Variants in SYNE2 observed in about 807,000 individuals in gnomAD.
The protein encoded by SYNE2 is spectrin repeat containing nuclear envelope protein 2, also known as nesprin-2.
A neutral mutation model predicts 856.3 loss-of-function variants in SYNE2; 431 were observed. The observed-to-expected ratio is 0.50, with a 90% CI of 0.47 to 0.55. The LOEUF is 0.55. Ranked by LOEUF, SYNE2 falls within the 20% of genes least tolerant of loss-of-function variation. The probability of loss-of-function intolerance (pLI) is 0.00; values close to 1 mark genes in which losing one functional copy is unlikely to be tolerated. For missense variants in SYNE2, 8,129 were observed against 8,023.2 expected (o/e 1.01, Z -0.50); for synonymous variants, 2,923 against 2,872.3 (o/e 1.02, Z -0.56).
intron 2 of SYNE2, among the ~76,000 whole-genome samples, chr14:63,928,704 C>T (rs755256647): frequency 3.9e-5 from 6 of 152,060 alleles, no homozygotes; most frequent in Non-Finnish European, 8.8e-5. Flanking sequence ...CCAAGAGAAA[C>T]AATAGAAGAG....
At chr14:63,927,201 G>A (rs552960289) in intron 2 of SYNE2, among the ~76,000 whole-genome samples, 18 of 152,320 alleles carry the variant, frequency 1.2e-4, no homozygotes, top group African/African-American at 3.4e-4. Context: ...TTGGAATGGC[G>A]CAGGCAGACT....
intron 93 of SYNE2, among the ~76,000 whole-genome samples, chr14:64,169,820 A>T (rs1332609246): frequency 1.3e-5 from 2 of 152,218 alleles, no homozygotes; most frequent in African/African-American, 4.8e-5. Context: ...AGCTGCAATA[A>T]AGCATGCTCT....
chr14:63,947,139 C>T lies in SYNE2; in HGVS notation c.409-2686C>T, dbSNP rs897515497. ...TGCTGGGATTGCAGGTGTGAGCCAC[C>T]ATGCCTGGCCTGTTATATTCTTTAA... On this transcript the variant is annotated intron_variant, in intron 6 of 115. Transcript: ENST00000555002. Among the ~76,000 whole-genome samples the T allele has an allele frequency of 8.5e-5, 13 of 152,158 alleles. No individual in the cohort carries two copies. In the South Asian group the frequency reaches 2.3e-3, roughly 27 times the overall value.
intron 66 of SYNE2, among the ~76,000 whole-genome samples, chr14:64,118,584 G>A (rs1285484974): frequency 6.6e-6 from 1 of 152,090 alleles, no homozygotes; most frequent in East Asian, 1.9e-4. Context: ...GAAGGTAGGC[G>A]AGGCATGGTG....
chr14:64,056,757 G>A (rs539255761), intron 49 of SYNE2, among the ~76,000 whole-genome samples: 3 of 151,320 alleles, frequency 2.0e-5, no homozygotes, highest in Admixed American at 2.0e-4. Context: ...TGCAACCTCC[G>A]CCTCCCGAGT....
chr14:63,889,181 A>C (rs1343288249), intron 1 of SYNE2, among the ~76,000 whole-genome samples: 1 of 151,614 alleles, frequency 6.6e-6, no homozygotes, highest in Non-Finnish European at 1.5e-5. Context: ...TGGAACATTA[A>C]AAATTACTTT....
intron 1 of SYNE2, among the ~76,000 whole-genome samples, chr14:63,794,959 C>T (rs753935213): frequency 6.6e-6 from 1 of 152,174 alleles, no homozygotes; most frequent in African/African-American, 2.4e-5. Flanking sequence ...GTATGTGAAC[C>T]GTTTTTATTT....
In SYNE2 at chr14:64,209,520, GC is replaced by G; in HGVS notation, c.18485del (p.Pro6162GlnfsTer15). 1 of 1,614,232 alleles carries G rather than the reference GC, an allele frequency of 6.2e-7. No individual in the cohort carries two copies. Among genetic ancestry groups the G allele is most frequent in the South Asian group, 1.1e-5 (1 of 91,078 alleles). On this transcript the variant is annotated frameshift_variant, in exon 102 of 116. Coordinates refer to ENST00000555002, the MANE Select transcript of SYNE2 (RefSeq NM_182914.3). LOFTEE classifies it high-confidence loss of function. ...AAGTCAGCTGAGAGGACGGCAGCCTGCCCAAATTCCTCAGAGGTGTTGTACA... is the reference window on the plus strand; with the variant it reads ...AAGTCAGCTGAGAGGACGGCAGCCTGCCAAATTCCTCAGAGGTGTTGTACA... ...WLKSAERTAA[C>X]PNSSEVLYTS...
intron 52 of SYNE2, among the ~76,000 whole-genome samples, chr14:64,071,586 A>AT (rs1316075884): frequency 6.6e-6 from 1 of 152,150 alleles, no homozygotes; most frequent in Non-Finnish European, 1.5e-5. Context: ...ACTGCCAATC[A>AT]TTTTTTCTCC....
In SYNE2 at chr14:64,216,260, C is replaced by T. The variant is rs150955173; in HGVS notation, c.19415C>T (p.Ser6472Leu). The change falls in exon 108 of 116, where the codon TCG becomes TTG. Residue 6472 changes from serine to leucine, a missense_variant. Ser to Leu is a moderately radical substitution (Grantham distance 145, BLOSUM62 -2). Around this residue, in one of 3 missense-constraint regions of SYNE2, gnomAD observed 5,410 missense variants for 5,284.8 expected, o/e 1.02. Transcript: ENST00000555002. ...TCTTTCGTTTCAGGTAAATCCATTT[C>T]GGATGGCCACTCGTGGCATGTTCCC... is the stretch of plus-strand genomic sequence containing the variant. ...TLKASSGKSI[S>L]DGHSWHVPDS... The T allele has an allele frequency of 2.9e-3, 4,759 of 1,614,206 alleles. 14 individuals are homozygous for T. Among genetic ancestry groups the T allele is most frequent in the Non-Finnish European group, 3.4e-3 (3,963 of 1,180,046 alleles).
intron 94 of SYNE2, among the ~76,000 whole-genome samples, chr14:64,173,539 A>T (rs747199272): frequency 1.3e-5 from 2 of 152,222 alleles, no homozygotes; most frequent in African/African-American, 2.4e-5. Context: ...CCATTTTGGA[A>T]AAATGCCCAC....
At chr14:63,910,944 T>C (rs1238301859) in intron 2 of SYNE2, among the ~76,000 whole-genome samples, 1 of 152,166 alleles carries the variant, frequency 6.6e-6, no homozygotes, top group Non-Finnish European at 1.5e-5. Flanking sequence ...GTAAACCAGA[T>C]GTCTGGTTTT....
chr14:64,170,120 C>A, intron 93 of SYNE2, 108 bp from the exon 94 acceptor site: 1 of 1,070,172 alleles, frequency 9.3e-7, no homozygotes, highest in Non-Finnish European at 1.4e-6. Context: ...GGATTTTTTT[C>A]ATGTAAATTG....
In SYNE2 at chr14:64,168,956, C is replaced by T. The variant is rs201850995; in HGVS notation, c.16985C>T (p.Thr5662Ile). The T allele has an allele frequency of 4.1e-5, 66 of 1,613,696 alleles. No homozygotes were observed. The East Asian group carries it at 1.4e-3, about 35-fold the overall frequency. The change falls in exon 93 of 116, where the codon ACA becomes ATA. Residue 5662 changes from threonine to isoleucine, a missense_variant. Thr to Ile is a moderately conservative substitution (Grantham distance 89). Coordinates refer to ENST00000555002, the MANE Select transcript of SYNE2 (RefSeq NM_182914.3). ...VTQSLQLLDT[T>I]EIENRPEFIT... ...CAGTCCTTACAACTCCTGGACACAA[C>T]AGAAATAGAGAACAGGTGAGCTGTC...
At chr14:64,022,683 ATCTC>A in intron 37 of SYNE2, 64 bp from the exon 38 acceptor site, 1 of 864,010 alleles carries the variant, frequency 1.2e-6, no homozygotes, top group Non-Finnish European at 1.9e-6. Context: ...AAGTTTCAAA[ATCTC>A]TCACTTTAAC....
In SYNE2 at chr14:64,175,087, C is replaced by T. The variant is rs778286170; in HGVS notation, c.17379C>T (p.Asp5793=). 5 of 1,614,172 alleles carry T rather than the reference C, an allele frequency of 3.1e-6. No individual in the cohort carries two copies. The South Asian group carries it at 5.5e-5, about 18-fold the overall frequency. The change falls in exon 95 of 116, where the codon GAC becomes GAT. Residue 5793 remains aspartate, a synonymous_variant. Coordinates refer to ENST00000555002, the MANE Select transcript of SYNE2 (RefSeq NM_182914.3). ...GTCAACTTCAGGACAGCTGGAAAGA[C>T]ATGGAGCCCCAGCTGGCAGAGATGA... ...RISQLQDSWK[D]MEPQLAEMIK... is the part of the protein sequence containing the mutation.
rs1342291313 is a variant in SYNE2, at chr14:63,961,527, G to T, written c.790G>T (p.Val264Leu). 2 of 1,612,648 alleles carry T rather than the reference G, an allele frequency of 1.2e-6. No homozygotes were observed. The highest frequency in any genetic ancestry group is 3.3e-5 in the Admixed American group (2 of 60,004). ...TGATAGTGTGGTGTATCTTGCAGATGTGGATGTTGTTGATCCTGATGAAAA... is the reference window on the plus strand; with the variant it reads ...TGATAGTGTGGTGTATCTTGCAGATTTGGATGTTGTTGATCCTGATGAAAA... ...KIPRLLEPEDVDVVDPDEKSI... is the reference protein window; with the variant it reads ...KIPRLLEPEDLDVVDPDEKSI... Residue 264 changes from valine to leucine, a missense_variant and splice_region_variant, in exon 9 of 116, where the codon GTG (valine) becomes TTG (leucine). Transcript: ENST00000555002.
At chr14:63,867,058 C>G (rs1895554260) in intron 1 of SYNE2, among the ~76,000 whole-genome samples, 2 of 152,224 alleles carry the variant, frequency 1.3e-5, no homozygotes, top group African/African-American at 4.8e-5. Flanking sequence ...GCCTATAACA[C>G]AGAAACCATC....
chr14:64,047,975 C>A (rs1189911794), intron 45 of SYNE2, 25 bp from the exon 46 acceptor site: 1 of 1,610,474 alleles, frequency 6.2e-7, no homozygotes, highest in Admixed American at 1.7e-5. Context: ...GACTATTCAG[C>A]AATTAATCTT....
Sources: allele counts gnomAD v4.1 joint callset (sites outside exome capture counted in the v4.1 genomes callset), GRCh38; gene constraint gnomAD v4.1.1; regional missense constraint gnomAD v4.1.1; transcripts MANE v1.5; gene names NCBI Gene and HGNC (gene_info 2026-07-23, HGNC 2026-07-21).